The following TASOR2 variants were observed in gnomAD, a reference collection of about 807,000 sequenced individuals.
TASOR2 encodes protein TASOR 2.
A neutral mutation model predicts 199.5 loss-of-function variants in TASOR2; 84 were observed. The ratio of observed to expected loss-of-function variants is 0.42; its 90% CI spans 0.35 to 0.50. The LOEUF is 0.50. TASOR2 is among the 20% of genes least tolerant of loss of function. The pLI is 0.02. For synonymous variants in TASOR2, 1,103 were observed against 1,046.6 expected, an observed-to-expected ratio of 1.05 and a Z score of -1.04; for missense variants, 2,796 against 2,835.9, an observed-to-expected ratio of 0.99 and a Z score of 0.32.
chr10:5,730,923 AT>A lies in TASOR2; in HGVS notation c.927del (p.Val311SerfsTer6), dbSNP rs1834725411. 1 of 1,614,068 alleles carries A rather than the reference AT, an allele frequency of 6.2e-7. No individual in the cohort carries two copies. The highest frequency in any genetic ancestry group is 1.7e-5 in the Admixed American group (1 of 59,998). ...CCTTAGTTATGACTCCAGATCCTGA[AT>A]TTCTTGTCTCAGAGGCAGAAGTGAG... On this transcript the variant is annotated frameshift_variant, in exon 11 of 21. Transcript: ENST00000328090. LOFTEE classifies it high-confidence loss of function. The surrounding 1 kb of genome is among the most constrained non-coding windows in gnomAD (Gnocchi z 4.1).
chr10:5,712,913 A>AAGC (rs1832099609), exon 2 of TASOR2: 1 of 1,225,424 alleles, frequency 8.2e-7, no homozygotes, highest in South Asian at 4.1e-5. Flanking sequence ...TGATACTGAA[A>AAGC]AGCAGGTAAG....
rs751491920 is a variant in TASOR2, at chr10:5,742,578, AT to A, written c.2757+53del. 42 of 1,503,510 alleles carry A rather than the reference AT, an allele frequency of 2.8e-5. No individual in the cohort carries two copies. Among genetic ancestry groups the A allele is most frequent in the Non-Finnish European group, 3.3e-5 (37 of 1,105,966 alleles). 93.1% of individuals were successfully genotyped at this position (1,503,510 alleles called of 1,614,324 possible). On this transcript the variant is annotated intron_variant, in intron 14 of 20. Transcript: ENST00000328090. This position sits in a 1 kb window ranked among gnomAD's most constrained non-coding sequence, Gnocchi z 4.2. ...GTTGGCATTATTTTTGAAGAAAAAA[AT>A]GTTTATATGTAAAATCACATTCAAA...
rs200805732 is a variant in TASOR2, at chr10:5,749,871, T to C, written c.6450T>C (p.Pro2150=). The change falls in exon 15 of 21, where the codon CCT becomes CCC. Residue 2150 remains proline (P), a synonymous_variant. Coordinates refer to ENST00000328090, the Ensembl canonical transcript of TASOR2. ...CCACTGCTCAAGAGATGTATCTGCC[T>C]TTCCCAGGACGGTCAGCCTCCTATG... 2.9e-5 allele frequency: 47 copies of C among 1,614,212 alleles called. No individual in the cohort carries two copies. The African/African-American group carries it at 5.2e-4, about 18-fold the overall frequency.
chr10:5,716,275 A>G (rs1832615303), intron 2 of TASOR2, among the ~76,000 whole-genome samples: 3 of 152,156 alleles, frequency 2.0e-5, no homozygotes, highest in Admixed American at 6.5e-5. Flanking sequence ...TCATCAATTC[A>G]TGGACATACG....
Position 5,706,506 on chromosome 10 carries a change from A to C in TASOR2, c.-287-6317A>C, listed in dbSNP as rs1045443128. The stretch of plus-strand genomic sequence containing the variant: ...GCTCCAGAAAGGTCCTTCCAAAAAA[A>C]AGAAAAGAAGCTGCTCAAAACAGAC... On this transcript the variant is annotated intron_variant, in intron 1 of 20. Transcript: ENST00000328090. The surrounding 1 kb of genome is among the most constrained non-coding windows in gnomAD (Gnocchi z 4.8). Among the ~76,000 whole-genome samples the C allele has an allele frequency of 2.6e-5, 4 of 152,212 alleles. No homozygotes were observed. Among genetic ancestry groups the C allele is most frequent in the African/African-American group, 9.6e-5 (4 of 41,452 alleles).
intron 1 of TASOR2, among the ~76,000 whole-genome samples, chr10:5,693,452 C>T (rs1311246114): frequency 6.6e-6 from 1 of 152,186 alleles, no homozygotes; most frequent in Non-Finnish European, 1.5e-5. Flanking sequence ...GTTTAAGTTT[C>T]TGTGAAAATT....
intron 1 of TASOR2, among the ~76,000 whole-genome samples, chr10:5,702,640 T>A (rs1171428195): frequency 2.3e-5 from 1 of 43,212 alleles, no homozygotes; most frequent in Non-Finnish European, 5.0e-5. Flanking sequence ...TGGTCATTTT[T>A]TTTTTTTTTT....
chr10:5,700,815 T>TTTGC (rs397934020), intron 1 of TASOR2, among the ~76,000 whole-genome samples: 11 of 151,866 alleles, frequency 7.2e-5, no homozygotes, highest in African/African-American at 2.2e-4. Context: ...TGTGTGTGTG[T>TTTGC]TTGCTTGCTT....
intron 1 of TASOR2, among the ~76,000 whole-genome samples, chr10:5,711,319 A>G (rs1831878200): frequency 6.6e-6 from 1 of 152,088 alleles, no homozygotes; most frequent in Admixed American, 6.5e-5. Context: ...GTTAGTTTTA[A>G]TTGAGATTCT....
chr10:5,760,049 C>T (rs889952949), intron 18 of TASOR2, among the ~76,000 whole-genome samples: 6 of 152,186 alleles, frequency 3.9e-5, no homozygotes, highest in Non-Finnish European at 8.8e-5. Flanking sequence ...CACTTAACGA[C>T]GGGGATACAG....
At chr10:5,713,119 T>C (rs2131551337) in intron 2 of TASOR2, among the ~76,000 whole-genome samples, 1 of 152,318 alleles carries the variant, frequency 6.6e-6, no homozygotes, top group Admixed American at 6.5e-5. Context: ...GGTTTCTCTT[T>C]AGTTTTATCT....
At chr10:5,714,447 A>G (rs867368119) in intron 2 of TASOR2, 9 of 321,496 alleles carry the variant, frequency 2.8e-5, no homozygotes, top group African/African-American at 4.3e-5. Context: ...AATTGTCACA[A>G]TGGCAATAAG....
Position 5,758,884 on chromosome 10 carries a change from T to G in TASOR2, c.6887-3T>G. On this transcript the variant is annotated splice_polypyrimidine_tract_variant and splice_region_variant and intron_variant, in intron 17 of 20. Transcript: ENST00000328090. ...TTCTTTTGCTACATTTATTGTTTTG[T>G]AGTTCAACTGAAGGAAATTATCAAA... 1.2e-6 allele frequency: 2 copies of G among 1,600,380 alleles called. No individual in the cohort carries two copies. Among genetic ancestry groups the G allele is most frequent in the Non-Finnish European group, 1.7e-6 (2 of 1,167,588 alleles).
chr10:5,727,083 T>A, exon 10 of TASOR2: 2 of 1,614,132 alleles, frequency 1.2e-6, no homozygotes, highest in African/African-American at 1.3e-5. Flanking sequence ...AGCAGATGGG[T>A]CTGCATGGGT....
chr10:5,710,233 A>T lies in TASOR2; in HGVS notation c.-287-2590A>T, dbSNP rs1470025797. On this transcript the variant is annotated intron_variant, in intron 1 of 20. Coordinates refer to ENST00000328090, the Ensembl canonical transcript of TASOR2. This position sits in a 1 kb window ranked among gnomAD's most constrained non-coding sequence, Gnocchi z 4.6. ...TGAACAGGAAACTTGTGCTTTCTTG[A>T]GAGTGTAATTGATGTCATTATGAAC... Among the ~76,000 whole-genome samples the T allele has an allele frequency of 6.6e-6, 1 of 152,114 alleles. No homozygotes were observed. Among genetic ancestry groups the T allele is most frequent in the Non-Finnish European group, 1.5e-5 (1 of 67,976 alleles).
chr10:5,714,146 A>G lies in TASOR2; in HGVS notation c.-192+1228A>G, dbSNP rs771789582. 8.1e-6 allele frequency: 10 copies of G among 1,231,524 alleles called. No individual in the cohort carries two copies. The highest frequency in any genetic ancestry group is 4.2e-5 in the Admixed American group (1 of 23,674). 76.3% of individuals were successfully genotyped at this position (1,231,524 alleles called of 1,614,324 possible). A position where few individuals can be genotyped will look rare whatever the true frequency, so the allele number is the denominator to read the frequency against. ...TCTTTTGTTTAAAGGCAAAATTGGT[A>G]TGTCAGTGTGGACTCCGTGTTGGCA... is the stretch of plus-strand genomic sequence containing the variant. On this transcript the variant is annotated intron_variant, in intron 2 of 20. An upstream start codon of the reference 5' UTR is lost. Transcript: ENST00000328090.
rs1200836865 is a variant in TASOR2 at position 5,706,895 on chromosome 10, C to T, written c.-287-5928C>T. Among the ~76,000 whole-genome samples the T allele has an allele frequency of 3.3e-5, 5 of 151,780 alleles. No individual in the cohort carries two copies. The highest frequency in any genetic ancestry group is 3.4e-3 in the Middle Eastern group (1 of 294). On this transcript the variant is annotated intron_variant, in intron 1 of 20. Coordinates refer to ENST00000328090, the Ensembl canonical transcript of TASOR2. The surrounding 1 kb of genome is among the most constrained non-coding windows in gnomAD (Gnocchi z 4.8). ...CTGGGCACTTGTAATCCCAGCTACA[C>T]GGGAGGCCGAGGCAAGAGAGTTGCT...
In TASOR2 at chr10:5,706,391, A is replaced by G. The variant is rs1041610817; in HGVS notation, c.-287-6432A>G. 6.6e-6 allele frequency among the ~76,000 whole-genome samples: 1 copy of G among 152,186 alleles called. No individual in the cohort carries two copies. The highest frequency in any genetic ancestry group is 1.5e-5 in the Non-Finnish European group (1 of 68,034). ...GAGATTGTGTTGAATCTGTAGATCA[A>G]TTTTGTGTCTTAACATCCCCCAGCA... On this transcript the variant is annotated intron_variant, in intron 1 of 20. Coordinates refer to ENST00000328090, the Ensembl canonical transcript of TASOR2. This position sits in a 1 kb window ranked among gnomAD's most constrained non-coding sequence, Gnocchi z 4.8.
intron 1 of TASOR2, among the ~76,000 whole-genome samples, chr10:5,704,426 A>G (rs900249394): frequency 6.6e-6 from 1 of 152,082 alleles, no homozygotes; most frequent in Non-Finnish European, 1.5e-5. Context: ...TTTTTTCTAT[A>G]AAAATTGTTT....
Sources: gnomAD v4.1 joint callset for allele counts (sites outside exome capture counted in the v4.1 genomes callset) on GRCh38, gnomAD v4.1.1 for gene constraint, Gnocchi (gnomAD v3.1) non-coding constraint, MANE v1.5 for transcripts, NCBI Gene and HGNC (gene_info 2026-07-23, HGNC 2026-07-21) for gene names.